The following AP5Z1 variants were observed in gnomAD, a reference collection of about 807,000 sequenced individuals.
AP5Z1 encodes the protein adaptor related protein complex 5 subunit zeta 1.
Under a neutral mutation model 83.0 loss-of-function variants are expected in AP5Z1, and 106 were observed. The ratio of observed to expected loss-of-function variants is 1.28; its 90% CI spans 1.09 to 1.50. The LOEUF (loss-of-function observed/expected upper bound fraction) is 1.50, where lower values mean the gene tolerates loss of function less well. Ranked by LOEUF, AP5Z1 falls within the 40% of genes most tolerant of loss-of-function variation. AP5Z1 has a pLI of 0.00. For missense variants in AP5Z1, 1,565 were observed against 1,094.2 expected (o/e 1.43, Z -6.07); for synonymous variants, 751 against 514.1 (o/e 1.46, Z -6.23).
Position 4,791,222 on chromosome 7 carries a change from T to G in AP5Z1, c.2261T>G (p.Leu754Arg). 1 of 1,612,726 alleles carries G rather than the reference T, an allele frequency of 6.2e-7. No individual in the cohort carries two copies. Among genetic ancestry groups the G allele is most frequent in the South Asian group, 1.1e-5 (1 of 91,056 alleles). ...AEAIRTRATE[L>R]LTLLKMPSVA... ...GCCATCCGTACCCGGGCCACAGAGC[T>G]GCTGACCCTGCTGAAGATGCCTAGC... is the stretch of plus-strand genomic sequence containing the variant. Residue 754 changes from leucine (L) to arginine (R), a missense_variant, in exon 17 of 17, where the codon CTG becomes CGG. Leu to Arg is a moderately radical substitution (Grantham distance 102). Coordinates refer to ENST00000649063, the MANE Select transcript of AP5Z1 (RefSeq NM_014855.3).
intron 14 of AP5Z1, 153 bp downstream of exon 14, chr7:4,790,082 AC>A: frequency 8.3e-7 from 1 of 1,201,406 alleles, no homozygotes; most frequent in Non-Finnish European, 1.1e-6. Context: ...CCACAGCCCC[AC>A]ACCCAGCCCC....
chr7:4,779,181 C>T (rs1369933206), intron 1 of AP5Z1, among the ~76,000 whole-genome samples: 1 of 143,716 alleles, frequency 7.0e-6, no homozygotes, highest in Non-Finnish European at 1.5e-5. Flanking sequence ...TATAACATAA[C>T]ATATATAACA....
At chr7:4,789,808 C>T in intron 13 of AP5Z1, 24 bp from the exon 14 acceptor site, 1 of 1,545,332 alleles carries the variant, frequency 6.5e-7, no homozygotes, top group Non-Finnish European at 8.8e-7. Context: ...GGGGCTGAGC[C>T]TGTTTCCCAC....
chr7:4,784,220 G>C lies in AP5Z1; in HGVS notation c.639G>C (p.Glu213Asp). 1 of 1,580,776 alleles carries C rather than the reference G, an allele frequency of 6.3e-7. No individual in the cohort carries two copies. Among genetic ancestry groups the C allele is most frequent in the South Asian group, 1.2e-5 (1 of 86,638 alleles). Residue 213 changes from glutamate to aspartate, a missense_variant, in exon 6 of 17, where the codon GAG becomes GAC. Transcript: ENST00000649063. The part of the protein sequence containing the change: ...PRARQPGPVT[E>D]VDGAVATDFF... ...TCCCACAGCCGGGCCCCGTCACCGA[G>C]GTGGACGGGGCGGTAGCCACAGACT...
In AP5Z1 at chr7:4,781,203, T is replaced by C. The variant is rs1256589111; in HGVS notation, c.70T>C (p.Phe24Leu). ...GATCCAGGACGAGGAGCTGAAGAAG[T>C]TCTGTTCCCGGATCTGTAAACTGCT... ...REIQDEELKK[F>L]CSRICKLLQA... Residue 24 changes from phenylalanine (F) to leucine (L), a missense_variant, in exon 2 of 17, where the codon TTC (phenylalanine) becomes CTC (leucine). Phe to Leu is a conservative substitution (Grantham distance 22, BLOSUM62 0). Transcript: ENST00000649063. 2.5e-6 allele frequency: 4 copies of C among 1,613,524 alleles called. No homozygotes were observed. Among genetic ancestry groups the C allele is most frequent in the Non-Finnish European group, 3.4e-6 (4 of 1,179,558 alleles).
chr7:4,788,476 G>C, intron 12 of AP5Z1, 182 bp downstream of exon 12: 1 of 781,180 alleles, frequency 1.3e-6, no homozygotes, highest in Non-Finnish European at 1.9e-6. Flanking sequence ...TGCCGGGGGC[G>C]GGGCCTGGTC....
In AP5Z1 at chr7:4,793,323, A is replaced by G. The variant is rs1300787512; in HGVS notation, c.*1938A>G. 1.3e-5 allele frequency: 2 copies of G among 152,286 alleles called. No homozygotes were observed. The highest frequency in any genetic ancestry group is 2.9e-5 in the Non-Finnish European group (2 of 68,056). 9.4% of individuals were successfully genotyped at this position (152,286 alleles called of 1,614,324 possible). On this transcript the variant is annotated 3_prime_UTR_variant, in exon 17 of 17. Transcript: ENST00000649063. Reference sequence around the variant, plus strand: ...ATTTACAGAAAAGATGATAAACCTTAGAAACATTATATGCTAAGTGAAAGT... The same window carrying G: ...ATTTACAGAAAAGATGATAAACCTTGGAAACATTATATGCTAAGTGAAAGT...
At position 4,785,464 on chromosome 7, in the gene AP5Z1, G is replaced by C; in HGVS notation, c.969+12G>C. The C allele has an allele frequency of 6.2e-7, 1 of 1,613,126 alleles. No individual in the cohort carries two copies. The highest frequency in any genetic ancestry group is 8.5e-7 in the Non-Finnish European group (1 of 1,179,386). ...ACCTGCAGAAAGCTGTAAGTGGCTG[G>C]GGACCAGGGGATGGGAGGCAGCGAC... On this transcript the variant is annotated intron_variant, in intron 8 of 16. Transcript: ENST00000649063.
At chr7:4,789,687 CTG>C in intron 13 of AP5Z1, 143 bp from the exon 14 acceptor site, 2 of 600,992 alleles carry the variant, frequency 3.3e-6, no homozygotes, top group Non-Finnish European at 2.9e-6. Flanking sequence ...AGCTGAGTCT[CTG>C]TGTCCCTGGG....
intron 10 of AP5Z1, among the ~76,000 whole-genome samples, chr7:4,786,725 CCCCCGGGAGCCCTG>C: frequency 6.6e-6 from 1 of 152,132 alleles, no homozygotes; most frequent in South Asian, 2.1e-4. Flanking sequence ...TAGGATCCCT[CCCCCGGGAGCCCTG>C]CCTGGTGCCT....
rs538005668 is a variant in AP5Z1, at chr7:4,781,001, C to T, written c.42-174C>T. 3.9e-5 allele frequency among the ~76,000 whole-genome samples: 6 copies of T among 152,298 alleles called. No individual in the cohort carries two copies. The South Asian group carries it at 1.2e-3, about 32-fold the overall frequency. ...TCGGGAAATCCCAGGGTGAGAGGAA[C>T]CAGCTCAGGGAATCAGCGAATTTAT... On this transcript the variant is annotated intron_variant, in intron 1 of 16. Coordinates refer to ENST00000649063, the MANE Select transcript of AP5Z1 (RefSeq NM_014855.3).
At chr7:4,783,641 A>C (rs1226926938) in intron 4 of AP5Z1, 48 bp from the exon 5 acceptor site, 1 of 1,529,272 alleles carries the variant, frequency 6.5e-7, no homozygotes, top group Non-Finnish European at 8.8e-7. Flanking sequence ...CAACCCAGGC[A>C]TCTGTAGGAT....
intron 9 of AP5Z1, 45 bp downstream of exon 9, chr7:4,785,729 C>G (rs1359275979): frequency 6.4e-6 from 9 of 1,399,574 alleles, no homozygotes; most frequent in Non-Finnish European, 8.4e-6. Context: ...TCTGCTTCTG[C>G]CTTTAGTTTT....
At position 4,784,950 on chromosome 7, in the gene AP5Z1, C is replaced by T. The variant is rs1781492339; in HGVS notation, c.833C>T (p.Ser278Phe). The change falls in exon 7 of 17, where the codon TCC (serine) becomes TTC (phenylalanine). Residue 278 changes from serine to phenylalanine, a missense_variant. Physicochemically the swap from Ser to Phe is radical, Grantham distance 155. Coordinates refer to ENST00000649063, the MANE Select transcript of AP5Z1 (RefSeq NM_014855.3). ...EQEGSTLSVI[S>F]ATSSAGRLLP... ...GAGGGCTCCACTCTGTCGGTGATCT[C>T]CGCCACCTCCTCTGCCGGCCGCCTG... is the stretch of plus-strand genomic sequence containing the variant. 3 of 1,612,016 alleles carry T rather than the reference C, an allele frequency of 1.9e-6. No homozygotes were observed. Among genetic ancestry groups the T allele is most frequent in the Non-Finnish European group, 2.5e-6 (3 of 1,179,450 alleles).
In AP5Z1 at chr7:4,791,180, G is replaced by T. The variant is rs779174690; in HGVS notation, c.2219G>T (p.Ser740Ile). ...AGTCCAGCCACCAGCTCCACGCACA[G>T]CGAGGAGGGCGCGGAAGCCATCCGT... ...AHSPATSSTH[S>I]EEGAEAIRTR... The change falls in exon 17 of 17, where the codon AGC (serine) becomes ATC (isoleucine). Residue 740 changes from serine to isoleucine, a missense_variant. Ser to Ile is a moderately radical substitution (Grantham distance 142). Transcript: ENST00000649063. The T allele has an allele frequency of 1.2e-6, 2 of 1,611,536 alleles. No individual in the cohort carries two copies. Among genetic ancestry groups the T allele is most frequent in the Non-Finnish European group, 1.7e-6 (2 of 1,179,648 alleles).
chr7:4,778,200 G>A (rs985338942), intron 1 of AP5Z1, among the ~76,000 whole-genome samples: 12 of 152,332 alleles, frequency 7.9e-5, no homozygotes, highest in East Asian at 3.9e-4. Flanking sequence ...ACTCCAGCTC[G>A]GGTGACAGAG....
intron 1 of AP5Z1, 145 bp downstream of exon 1, chr7:4,775,901 G>T: frequency 1.6e-6 from 2 of 1,233,010 alleles, no homozygotes; most frequent in South Asian, 2.7e-5. Flanking sequence ...ATCGGGTAAG[G>T]CAACACGGCG....
intron 8 of AP5Z1, 27 bp downstream of exon 8, chr7:4,785,479 G>C: frequency 6.2e-7 from 1 of 1,613,050 alleles, no homozygotes; most frequent in Non-Finnish European, 8.5e-7. Context: ...CAGGGGATGG[G>C]AGGCAGCGAC....
In AP5Z1 at chr7:4,783,707, G is replaced by A. The variant is rs1781449689; in HGVS notation, c.530G>A (p.Ser177Asn). The change falls in exon 5 of 17, where the codon AGC becomes AAC. Residue 177 changes from serine (S) to asparagine (N), a missense_variant. Physicochemically the swap from Ser to Asn is conservative, Grantham distance 46. Transcript: ENST00000649063. ...TLQEDQATLL[S>N]KRLVDWLRYA... ...ACTGCAGACCAGGCCACCCTGCTCA[G>A]CAAGCGGCTGGTCGACTGGCTGCGC... 1.9e-6 allele frequency: 3 copies of A among 1,550,526 alleles called. No homozygotes were observed. The highest frequency in any genetic ancestry group is 2.6e-6 in the Non-Finnish European group (3 of 1,146,950).
Sources: gnomAD v4.1 joint callset for allele counts (sites outside exome capture counted in the v4.1 genomes callset) on GRCh38, gnomAD v4.1.1 for gene constraint, MANE v1.5 for transcripts, NCBI Gene and HGNC (gene_info 2026-07-23, HGNC 2026-07-21) for gene names.